The following RANBP2 variants were observed in gnomAD, a reference collection of about 807,000 sequenced individuals.
RANBP2 encodes RAN binding protein 2.
In RANBP2, 57 loss-of-function variants were observed where a neutral mutation model predicts 303.6. The observed-to-expected ratio is 0.19, with a 90% CI of 0.15 to 0.23. RANBP2 has a LOEUF of 0.23. Ranked by LOEUF, RANBP2 falls within the 10% of genes least tolerant of loss-of-function variation. The pLI, the probability that RANBP2 is intolerant of heterozygous loss-of-function variation, is 1.00. For synonymous variants in RANBP2, 1,167 were observed against 1,301.5 expected (o/e 0.90, Z 2.23); for missense variants, 3,138 against 3,780.8 (o/e 0.83, Z 4.46).
the RANBP2 span, among the ~76,000 whole-genome samples, chr2:108,889,822 GGTT>G: frequency 2.6e-5 from 4 of 151,978 alleles, no homozygotes; most frequent in African/African-American, 4.8e-5. Context: ...TGTCTTTTCT[GGTT>G]GTTTCATATA....
chr2:109,283,778 GCT>G, the RANBP2 span, among the ~76,000 whole-genome samples: 83 of 152,330 alleles, frequency 5.4e-4, no homozygotes, highest in African/African-American at 2.0e-3. Context: ...TTTGAACTTG[GCT>G]CTCTGCCTGG....
the RANBP2 span, among the ~76,000 whole-genome samples, chr2:109,414,224 C>T: frequency 1.4e-4 from 21 of 152,280 alleles, no homozygotes; most frequent in East Asian, 2.9e-3. Flanking sequence ...ACAACGATCA[C>T]GAGCCTTTGT....
chr2:108,883,374 C>T, the RANBP2 span: 4 of 152,324 alleles, frequency 2.6e-5, no homozygotes, highest in East Asian at 5.8e-4. Flanking sequence ...CTCACCTGCA[C>T]GGGGCCATGT....
the RANBP2 span, among the ~76,000 whole-genome samples, chr2:109,064,106 T>C: frequency 6.6e-6 from 1 of 152,214 alleles, no homozygotes; most frequent in Middle Eastern, 3.2e-3. Context: ...TTTTTAATCC[T>C]GTGATAACTC....
chr2:109,633,386 C>T, the RANBP2 span, among the ~76,000 whole-genome samples: 1 of 149,384 alleles, frequency 6.7e-6, no homozygotes, highest in African/African-American at 2.5e-5. Context: ...GAATGAGACT[C>T]CATCTCAAAA....
intron 11 of RANBP2, 83 bp downstream of exon 11, chr2:108,751,786 G>T (rs1372868893): frequency 1.9e-6 from 3 of 1,611,742 alleles, no homozygotes; most frequent in Non-Finnish European, 2.5e-6. Context: ...GATTTAATTT[G>T]TCATGTGACC....
the RANBP2 span, among the ~76,000 whole-genome samples, chr2:109,352,249 A>G: frequency 6.6e-6 from 1 of 152,212 alleles, no homozygotes; most frequent in Non-Finnish European, 1.5e-5. Context: ...CTTCCGTCAG[A>G]TGGTACATAT....
the RANBP2 span, among the ~76,000 whole-genome samples, chr2:109,299,587 T>C: frequency 6.6e-6 from 1 of 152,248 alleles, no homozygotes; most frequent in South Asian, 2.1e-4. Flanking sequence ...GACATTTCCT[T>C]CCATTTCCTA....
chr2:109,222,001 G>A, the RANBP2 span, among the ~76,000 whole-genome samples: 2 of 152,018 alleles, frequency 1.3e-5, no homozygotes, highest in South Asian at 2.1e-4. Flanking sequence ...AAACACAGGG[G>A]ATACTATTCA....
chr2:109,167,729 G>A, the RANBP2 span, among the ~76,000 whole-genome samples: 1 of 152,158 alleles, frequency 6.6e-6, no homozygotes, highest in Admixed American at 6.5e-5. Context: ...CTGTCACCAC[G>A]CCTGGCTAAT....
chr2:108,869,992 G>T, the RANBP2 span, among the ~76,000 whole-genome samples: 1 of 152,148 alleles, frequency 6.6e-6, no homozygotes, highest in Non-Finnish European at 1.5e-5. Flanking sequence ...GCTCAGAAAA[G>T]ACTTTAAAAC....
the RANBP2 span, among the ~76,000 whole-genome samples, chr2:109,341,041 CTG>C: frequency 1.3e-5 from 2 of 152,214 alleles, no homozygotes; most frequent in African/African-American, 2.4e-5. Flanking sequence ...CCTCGTCACC[CTG>C]TGTTTGAAGG....
At chr2:109,454,680 T>C in the RANBP2 span, among the ~76,000 whole-genome samples, 1 of 152,128 alleles carries the variant, frequency 6.6e-6, no homozygotes, top group Non-Finnish European at 1.5e-5. Flanking sequence ...ATAAACAGAA[T>C]GAAACAGGGT....
At chr2:109,564,601 G>C in the RANBP2 span, 1 of 1,310,266 alleles carries the variant, frequency 7.6e-7, no homozygotes, top group Admixed American at 2.7e-5. Flanking sequence ...CTAAGTGTTT[G>C]CTGAATGAAC....
At chr2:109,381,860 G>A in the RANBP2 span, among the ~76,000 whole-genome samples, 1 of 152,098 alleles carries the variant, frequency 6.6e-6, no homozygotes, top group Non-Finnish European at 1.5e-5. Context: ...GGGGAAAGCT[G>A]TGCATGTTTA....
the RANBP2 span, among the ~76,000 whole-genome samples, chr2:109,385,578 C>G: frequency 6.6e-6 from 1 of 152,236 alleles, no homozygotes; most frequent in African/African-American, 2.4e-5. Flanking sequence ...GCAAAGGAGC[C>G]TGTTTGAAAT....
chr2:109,536,465 GC>G, the RANBP2 span, among the ~76,000 whole-genome samples: 1 of 152,098 alleles, frequency 6.6e-6, no homozygotes, highest in South Asian at 2.1e-4. Flanking sequence ...CAATTTTCTC[GC>G]ATTTGGAATG....
At chr2:109,355,942 G>A in the RANBP2 span, among the ~76,000 whole-genome samples, 2 of 152,216 alleles carry the variant, frequency 1.3e-5, no homozygotes, top group African/African-American at 4.8e-5. Context: ...ATCTAGCCAT[G>A]AAAAGTTGCC....
chr2:109,078,628 C>G, the RANBP2 span, among the ~76,000 whole-genome samples: 3 of 149,714 alleles, frequency 2.0e-5, no homozygotes, highest in African/African-American at 7.3e-5. Context: ...TAACAATACC[C>G]ATGGCATATT....
Sources: gnomAD v4.1 joint callset for allele counts (sites outside exome capture counted in the v4.1 genomes callset) on GRCh38, gnomAD v4.1.1 for gene constraint, MANE v1.5 for transcripts, NCBI Gene and HGNC (gene_info 2026-07-23, HGNC 2026-07-21) for gene names.